The following ARG1 variants were observed in gnomAD, a reference collection of about 807,000 sequenced individuals.
The protein encoded by ARG1 is arginase 1, also known as arginase-1.
A neutral mutation model predicts 33.0 loss-of-function variants in ARG1; 20 were observed. The ratio of observed to expected loss-of-function variants is 0.61; its 90% confidence interval spans 0.43 to 0.88. The LOEUF is 0.88. Ranked by LOEUF, ARG1 falls within the 40% of genes least tolerant of loss-of-function variation. The probability of loss-of-function intolerance (pLI) is 0.00; values close to 1 mark genes in which losing one functional copy is unlikely to be tolerated. For missense variants in ARG1, 374 were observed against 384.7 expected (o/e 0.97, Z 0.23); for synonymous variants, 146 against 140.6 (o/e 1.04, Z -0.27).
chr6:131,575,398 T>C (rs1773565746), intron 1 of ARG1, among the ~76,000 whole-genome samples: 1 of 151,992 alleles, frequency 6.6e-6, no homozygotes, highest in African/African-American at 2.4e-5. Flanking sequence ...CAGCACCCTA[T>C]TGGGGTTGAA....
intron 2 of ARG1, among the ~76,000 whole-genome samples, chr6:131,578,641 G>T (rs915270424): frequency 6.6e-6 from 1 of 152,080 alleles, no homozygotes; most frequent in African/African-American, 2.4e-5. Context: ...GTGTGTGTGT[G>T]TATCTCCAGA....
chr6:131,581,949 T>C (rs1214617183), intron 4 of ARG1, among the ~76,000 whole-genome samples: 3 of 152,232 alleles, frequency 2.0e-5, no homozygotes, highest in Non-Finnish European at 4.4e-5. Context: ...GAAAATAAAA[T>C]GGCAGATTAA....
At chr6:131,578,289 T>TATCA (rs965124084) in intron 2 of ARG1, among the ~76,000 whole-genome samples, 1 of 152,088 alleles carries the variant, frequency 6.6e-6, no homozygotes, top group African/African-American at 2.4e-5. Flanking sequence ...TCACGTGTTG[T>TATCA]ATCAGGTGAA....
intron 1 of ARG1, 40 bp from the exon 2 acceptor site, chr6:131,576,623 C>A: frequency 1.3e-6 from 2 of 1,559,378 alleles, no homozygotes; most frequent in South Asian, 1.1e-5. Flanking sequence ...ATCTGATGGT[C>A]ATGATAATGT....
Position 131,582,609 on chromosome 6 carries a change from T to C in ARG1, c.466-12T>C, listed in dbSNP as rs371980294. 18 of 1,605,578 alleles carry C rather than the reference T, an allele frequency of 1.1e-5. No individual in the cohort carries two copies. The highest frequency in any genetic ancestry group is 4.5e-5 in the East Asian group (2 of 44,822). On this transcript the variant is annotated splice_polypyrimidine_tract_variant and intron_variant, in intron 4 of 7. Coordinates refer to ENST00000368087, the MANE Select transcript of ARG1 (RefSeq NM_000045.4). ...AATCATACATAACCAAGTGAAAACA[T>C]TGTAATTTTAGATTCCCGATGTGCC...
rs1020469542 is a variant in ARG1, at chr6:131,583,963, T to A, written c.*55T>A. 14 of 1,586,938 alleles carry A rather than the reference T, an allele frequency of 8.8e-6. No individual in the cohort carries two copies. The South Asian group carries it at 1.1e-4, about 13-fold the overall frequency. On this transcript the variant is annotated 3_prime_UTR_variant, in exon 8 of 8. Transcript: ENST00000368087. ...GTTAATGGCATAATTAGAAAGCTAA[T>A]CATTTTCTTAAGCATAGAGTTATCC...
At chr6:131,576,448 A>G (rs1394216004) in intron 1 of ARG1, among the ~76,000 whole-genome samples, 1 of 152,208 alleles carries the variant, frequency 6.6e-6, no homozygotes, top group Non-Finnish European at 1.5e-5. Flanking sequence ...TGAAAACCAT[A>G]TAACCTTTGT....
chr6:131,583,502 A>T lies in ARG1; in HGVS notation c.802+11A>T, dbSNP rs932846487. 1 of 1,614,058 alleles carries T rather than the reference A, an allele frequency of 6.2e-7. No individual in the cohort carries two copies. The highest frequency in any genetic ancestry group is 1.6e-4 in the Middle Eastern group (1 of 6,062). ...AAATCTACAAAACAGGTAGTTAACA[A>T]TCTGAGGTAATAGAGAAGCAAGTGT... On this transcript the variant is annotated intron_variant, in intron 7 of 7. Transcript: ENST00000368087.
intron 4 of ARG1, among the ~76,000 whole-genome samples, chr6:131,582,387 GCC>G (rs1773970952): frequency 1.3e-5 from 2 of 152,150 alleles, no homozygotes; most frequent in Admixed American, 1.3e-4. Context: ...GGAAAGAAGG[GCC>G]CAGCAGGACT....
intron 1 of ARG1, 111 bp downstream of exon 1, chr6:131,573,450 C>G (rs1007229965): frequency 5.1e-6 from 5 of 986,178 alleles, no homozygotes; most frequent in Non-Finnish European, 8.0e-6. Flanking sequence ...TACAATCTGG[C>G]CAGGAAATGC....
chr6:131,578,647 C>A (rs1230311628), intron 2 of ARG1, among the ~76,000 whole-genome samples: 1 of 151,948 alleles, frequency 6.6e-6, no homozygotes, highest in Non-Finnish European at 1.5e-5. Context: ...GTGTGTATCT[C>A]CAGATGAAAA....
chr6:131,579,346 G>T, intron 3 of ARG1, 61 bp downstream of exon 3: 1 of 1,578,372 alleles, frequency 6.3e-7, no homozygotes, highest in Non-Finnish European at 8.7e-7. Context: ...AAGGCCATAA[G>T]AAGAGAGAAA....
In ARG1 at chr6:131,578,956, C is replaced by T. The variant is rs910570845; in HGVS notation, c.131-155C>T. 1.3e-5 allele frequency: 10 copies of T among 793,586 alleles called. No individual in the cohort carries two copies. The African/African-American group carries it at 1.7e-4, about 14-fold the overall frequency. 49.2% of individuals were successfully genotyped at this position (793,586 alleles called of 1,614,324 possible). On this transcript the variant is annotated intron_variant, in intron 2 of 7. Coordinates refer to ENST00000368087, the MANE Select transcript of ARG1 (RefSeq NM_000045.4). ...TAACATGACGTCAAGCAAAAGCAGACATGGGTCTACCTTCCCAAGATTTAC... is the reference window on the plus strand; with the variant it reads ...TAACATGACGTCAAGCAAAAGCAGATATGGGTCTACCTTCCCAAGATTTAC...
intron 2 of ARG1, 24 bp from the exon 3 acceptor site, chr6:131,579,087 T>C (rs1452086849): frequency 6.2e-7 from 1 of 1,612,920 alleles, no homozygotes; most frequent in African/African-American, 1.3e-5. Flanking sequence ...TTTAATTTAG[T>C]AACTCAAAAC....
Position 131,584,194 on chromosome 6 carries a change from G to A in ARG1, c.*286G>A. The A allele has an allele frequency of 2.5e-6, 1 of 401,978 alleles. No individual in the cohort carries two copies. Among genetic ancestry groups the A allele is most frequent in the East Asian group, 5.5e-5 (1 of 18,098 alleles). 24.9% of individuals were successfully genotyped at this position (401,978 alleles called of 1,614,324 possible). ...AAAAATTTGCTGGCATTAAAAATAAGCACACTTACATAAGCCCCCATACAT... is the reference window on the plus strand; with the variant it reads ...AAAAATTTGCTGGCATTAAAAATAAACACACTTACATAAGCCCCCATACAT... On this transcript the variant is annotated 3_prime_UTR_variant, in exon 8 of 8. Transcript: ENST00000368087.
At chr6:131,577,674 G>A (rs1039503324) in intron 2 of ARG1, among the ~76,000 whole-genome samples, 1 of 151,890 alleles carries the variant, frequency 6.6e-6, no homozygotes. Context: ...AGCCAAGGTG[G>A]GTGGACTGTC....
chr6:131,579,278 G>T lies in ARG1; in HGVS notation c.298G>T (p.Asp100Tyr). The change falls in exon 3 of 8, where the codon GAC (aspartate) becomes TAC (tyrosine). Residue 100 changes from aspartate to tyrosine, a missense_variant. Asp to Tyr is a radical substitution (Grantham distance 160). Transcript: ENST00000368087. ...NGRISLVLGGDHSLAIGSISG... is the reference protein window; with the variant it reads ...NGRISLVLGGYHSLAIGSISG... ...AAGAATCAGCCTGGTGCTGGGCGGAGACCACAGGTCTTGTTGAATAACTGT... is the reference window on the plus strand; with the variant it reads ...AAGAATCAGCCTGGTGCTGGGCGGATACCACAGGTCTTGTTGAATAACTGT... The T allele has an allele frequency of 1.2e-6, 2 of 1,614,010 alleles. No individual in the cohort carries two copies. The highest frequency in any genetic ancestry group is 2.2e-5 in the South Asian group (2 of 91,034).
At chr6:131,574,934 C>T (rs12111151) in intron 1 of ARG1, among the ~76,000 whole-genome samples, 2,965 of 152,274 alleles carry the variant, frequency 0.019, 116 homozygotes, top group African/African-American at 0.069. Context: ...ATTCCAATGC[C>T]TATGCCCTTG....
intron 4 of ARG1, among the ~76,000 whole-genome samples, chr6:131,582,372 C>T (rs1773970306): frequency 6.6e-6 from 1 of 152,038 alleles, no homozygotes; most frequent in South Asian, 2.1e-4. Flanking sequence ...TATAGAGGAG[C>T]CCTGGGAAAG....
Sources: allele counts gnomAD v4.1 joint callset (sites outside exome capture counted in the v4.1 genomes callset), GRCh38; gene constraint gnomAD v4.1.1; transcripts MANE v1.5; gene names NCBI Gene and HGNC (gene_info 2026-07-23, HGNC 2026-07-21).